PARP9: variants seen among roughly 807,000 people sequenced by gnomAD.
The protein encoded by PARP9 is protein mono-ADP-ribosyltransferase PARP9.
Under a neutral mutation model 68.8 loss-of-function variants are expected in PARP9, and 48 were observed. The ratio of observed to expected loss-of-function variants is 0.70; its 90% CI spans 0.55 to 0.89. The LOEUF is 0.89. PARP9 is among the 40% of genes least tolerant of loss of function. PARP9 has a pLI of 0.00. For synonymous variants in PARP9, 309 were observed against 333.8 expected (o/e 0.93, Z 0.81); for missense variants, 806 against 969.3 (o/e 0.83, Z 2.24).
chr3:122,564,601 A>G, upstream of PARP9: 3 of 1,597,274 alleles, frequency 1.9e-6, no homozygotes, highest in Non-Finnish European at 2.6e-6. Context: ...GGTGGAGTTC[A>G]GTGAAAGGGC....
At chr3:122,564,722 T>C (rs1027867483), upstream of PARP9, 1 of 1,354,462 alleles carries the variant, frequency 7.4e-7, no homozygotes, top group African/African-American at 1.5e-5. Context: ...AGAAAGTATG[T>C]CACTGTGCGG....
At chr3:122,556,192 T>A in intron 3 of PARP9, 71 bp from the exon 4 acceptor site, 1 of 1,020,830 alleles carries the variant, frequency 9.8e-7, no homozygotes, top group Non-Finnish European at 1.4e-6. Context: ...TGAAAGGTTG[T>A]AATCCCACTT....
At chr3:122,547,013 T>TACATAC (rs2078772636) in intron 6 of PARP9, among the ~76,000 whole-genome samples, 1 of 61,410 alleles carries the variant, frequency 1.6e-5, no homozygotes, top group Non-Finnish European at 3.5e-5. Flanking sequence ...TATATATATA[T>TACATAC]ACACACACAC....
intron 10 of PARP9, chr3:122,535,602 T>C: frequency 1.1e-5 from 11 of 985,418 alleles, no homozygotes; most frequent in Non-Finnish European, 1.3e-5. Context: ...TATGCAATGT[T>C]TTTGTACATC....
chr3:122,547,039 T>C (rs12493877), intron 6 of PARP9, among the ~76,000 whole-genome samples: 2 of 136,864 alleles, frequency 1.5e-5, no homozygotes, highest in African/African-American at 2.6e-5. Flanking sequence ...CACACACATA[T>C]ACATACACAC....
At chr3:122,549,363 G>A (rs1365161676) in intron 6 of PARP9, among the ~76,000 whole-genome samples, 1 of 152,182 alleles carries the variant, frequency 6.6e-6, no homozygotes. Flanking sequence ...ATGGTAATCA[G>A]TATCCCTCTT....
chr3:122,559,590 CA>C lies in PARP9; in HGVS notation c.15+15del, dbSNP rs749951620. 4.7e-4 allele frequency: 749 copies of C among 1,589,052 alleles called. No individual in the cohort carries two copies. Among genetic ancestry groups the C allele is most frequent in the Middle Eastern group, 3.3e-3 (20 of 6,020 alleles). On this transcript the variant is annotated intron_variant, in intron 2 of 10. Coordinates refer to ENST00000682323, the MANE Select transcript of PARP9 (RefSeq NM_001146105.2). ...CTGATCAAGGTTCATGACGTATACA[CA>C]TTTATGCTTTTTACCATGGAAAAGT...
At chr3:122,543,064 G>A (rs1272739552) in intron 7 of PARP9, among the ~76,000 whole-genome samples, 5 of 151,782 alleles carry the variant, frequency 3.3e-5, no homozygotes, top group Admixed American at 6.6e-5. Context: ...ACGCCACCAT[G>A]CCTGGCTAAT....
intron 6 of PARP9, among the ~76,000 whole-genome samples, chr3:122,548,122 T>A (rs2078910277): frequency 6.6e-6 from 1 of 152,216 alleles, no homozygotes; most frequent in South Asian, 2.1e-4. Flanking sequence ...TTTTCAGTGA[T>A]GTCATATCAA....
In PARP9 at chr3:122,558,458, C is replaced by G; in HGVS notation, c.25G>C (p.Ala9Pro). ...CCTGATTTTTCATTGTAAGCTGCTGCTCCGGCCACCTGTGAAAAATGAGAA... is the reference window on the plus strand; with the variant it reads ...CCTGATTTTTCATTGTAAGCTGCTGGTCCGGCCACCTGTGAAAAATGAGAA... MDFSMVAG[A>P]AAYNEKSETG... is the part of the protein sequence containing the mutation. Residue 9 changes from alanine (A) to proline (P), a missense_variant, in exon 3 of 11, where the codon GCA (alanine) becomes CCA (proline). Physicochemically the swap from Ala to Pro is conservative, Grantham distance 27. Transcript: ENST00000682323. 6.2e-7 allele frequency: 1 copy of G among 1,613,948 alleles called. No homozygotes were observed. The highest frequency in any genetic ancestry group is 8.5e-7 in the Non-Finnish European group (1 of 1,179,916).
chr3:122,560,140 T>C (rs2080066648), intron 1 of PARP9, among the ~76,000 whole-genome samples: 1 of 152,098 alleles, frequency 6.6e-6, no homozygotes. Flanking sequence ...AAAGAGGAAA[T>C]GCCACTAGAG....
intron 8 of PARP9, among the ~76,000 whole-genome samples, chr3:122,539,507 A>ATTTATTTCTTTCTTTCTTTCTTTCTTTC (rs1553714535): frequency 2.3e-5 from 3 of 133,164 alleles, no homozygotes; most frequent in African/African-American, 8.8e-5. Flanking sequence ...CCAAGATGGC[A>ATTTATTTCTTTCTTTCTTTCTTTCTTTC]TTTCTTTCTT....
chr3:122,548,340 A>G (rs2078925375), intron 6 of PARP9, among the ~76,000 whole-genome samples: 1 of 152,210 alleles, frequency 6.6e-6, no homozygotes, highest in Non-Finnish European at 1.5e-5. Context: ...TCAGAGAACT[A>G]ATGTTTGCAG....
At chr3:122,550,884 C>T in intron 5 of PARP9, 82 bp from the exon 6 acceptor site, 5 of 1,240,790 alleles carry the variant, frequency 4.0e-6, no homozygotes, top group Non-Finnish European at 5.8e-6. Flanking sequence ...CCATATTTTA[C>T]AATGTCCACC....
intron 2 of PARP9, among the ~76,000 whole-genome samples, chr3:122,559,271 A>T (rs552123367): frequency 6.6e-6 from 1 of 152,332 alleles, no homozygotes; most frequent in East Asian, 1.9e-4. Context: ...AAGTTTAGTA[A>T]GTGACTTCTA....
At position 122,536,149 on chromosome 3, in the gene PARP9, A is replaced by G. The variant is rs377698886; in HGVS notation, c.2080+19T>C. On this transcript the variant is annotated intron_variant, in intron 10 of 10. Coordinates refer to ENST00000682323, the MANE Select transcript of PARP9 (RefSeq NM_001146105.2). Reference sequence around the variant, plus strand: ...CAAATTCCACAGAGTAGCCCCAATGATGAGGCATTGACACCTACCGCAAGG... The same window carrying G: ...CAAATTCCACAGAGTAGCCCCAATGGTGAGGCATTGACACCTACCGCAAGG... 6.2e-7 allele frequency: 1 copy of G among 1,614,014 alleles called. No individual in the cohort carries two copies. The highest frequency in any genetic ancestry group is 1.3e-5 in the African/African-American group (1 of 74,914).
Position 122,552,641 on chromosome 3 carries a change from T to G in PARP9, c.886-2A>C. ...TACAGAATTAACAATTACATCTGCC[T>G]GAAAAGGGAAGAAAGGGTAGGATTC... On this transcript the variant is annotated splice_acceptor_variant, in intron 4 of 10. Transcript: ENST00000682323. LOFTEE classifies it high-confidence loss of function. The G allele has an allele frequency of 6.3e-7, 1 of 1,595,676 alleles. No homozygotes were observed. Among genetic ancestry groups the G allele is most frequent in the Non-Finnish European group, 8.6e-7 (1 of 1,163,638 alleles).
At chr3:122,529,068 C>T (rs767722646) in intron 10 of PARP9, among the ~76,000 whole-genome samples, 4 of 151,728 alleles carry the variant, frequency 2.6e-5, no homozygotes, top group African/African-American at 7.3e-5. Context: ...GATACCCCGT[C>T]TCTACTAAAA....
chr3:122,545,312 A>G (rs974274614), intron 7 of PARP9, 120 bp downstream of exon 7: 2 of 989,806 alleles, frequency 2.0e-6, no homozygotes, highest in Non-Finnish European at 3.2e-6. Flanking sequence ...AAGCAGGACC[A>G]CAATGCAATA....
Sources: gnomAD v4.1 joint callset for allele counts (sites outside exome capture counted in the v4.1 genomes callset) on GRCh38, gnomAD v4.1.1 for gene constraint, MANE v1.5 for transcripts, NCBI Gene and HGNC (gene_info 2026-07-23, HGNC 2026-07-21) for gene names.